The following GLT1D1 variants were observed in gnomAD, a reference collection of about 807,000 sequenced individuals.
GLT1D1 encodes glycosyltransferase 1 domain containing 1.
A neutral mutation model predicts 28.7 loss-of-function variants in GLT1D1; 21 were observed. The observed-to-expected ratio is 0.73, with a 90% confidence interval of 0.52 to 1.05. The LOEUF (loss-of-function observed/expected upper bound fraction) is 1.05. Ranked by LOEUF, GLT1D1 falls within the 50% of genes least tolerant of loss-of-function variation. The pLI is 0.00. For synonymous variants in GLT1D1, 147 were observed against 124.8 expected (o/e 1.18, Z -1.19); for missense variants, 343 against 330.6 (o/e 1.04, Z -0.29).
chr12:128,921,316 G>T (rs575014334), intron 4 of GLT1D1, among the ~76,000 whole-genome samples: 53 of 151,964 alleles, frequency 3.5e-4, no homozygotes, highest in African/African-American at 8.0e-4. Context: ...GAGGGGAGAG[G>T]AAAGGAATAT....
Position 128,903,690 on chromosome 12 carries a change from G to A in GLT1D1, c.375+4403G>A, listed in dbSNP as rs559207239. On this transcript the variant is annotated intron_variant, in intron 4 of 7. Coordinates refer to ENST00000281703, the MANE Select transcript of GLT1D1 (RefSeq NM_144669.3). ...GAATATCCTTTAAATTGATTGATTA[G>A]GAACGACTCCTCCTTTAGAACCTTT... Among the ~76,000 whole-genome samples, 172 of 151,456 alleles carry A rather than the reference G, an allele frequency of 1.1e-3. 3 individuals are homozygous for A. Among genetic ancestry groups the A allele is most frequent in the African/African-American group, 4.0e-3 (164 of 41,018 alleles).
At chr12:128,936,434 G>A (rs1368032744) in intron 4 of GLT1D1, among the ~76,000 whole-genome samples, 2 of 152,208 alleles carry the variant, frequency 1.3e-5, no homozygotes, top group Non-Finnish European at 2.9e-5. Flanking sequence ...GATGACAGGC[G>A]TGAGCCACCG....
chr12:128,954,134 T>G (rs2135508224), intron 6 of GLT1D1, among the ~76,000 whole-genome samples: 1 of 151,278 alleles, frequency 6.6e-6, no homozygotes, highest in Non-Finnish European at 1.5e-5. Context: ...TTTTTGTTTT[T>G]GTTTTTTGAG....
chr12:128,945,146 C>T (rs1018395711), intron 4 of GLT1D1, 180 bp from the exon 9 acceptor site: 1 of 739,030 alleles, frequency 1.4e-6, no homozygotes, highest in Non-Finnish European at 2.5e-6. Flanking sequence ...GACACAGTGC[C>T]CTTGCCCGAG....
intron 7 of GLT1D1, among the ~76,000 whole-genome samples, chr12:128,958,748 C>CAAAAAA (rs71072431): frequency 2.3e-5 from 1 of 42,654 alleles, no homozygotes; most frequent in African/African-American, 1.1e-4. Context: ...GACTCTGCCT[C>CAAAAAA]AAAAAAAAAA....
In GLT1D1 at chr12:128,931,080, C is replaced by A. The variant is rs190034395; in HGVS notation, c.376-14246C>A. On this transcript the variant is annotated intron_variant, in intron 4 of 7. Transcript: ENST00000281703. ...GCAATGGCGTGATCTTGGCTCACAG[C>A]AACCTCCGCCTCATGGGTTCAAGCA... 1.9e-3 allele frequency among the ~76,000 whole-genome samples: 281 copies of A among 151,716 alleles called. 3 individuals are homozygous for A. The highest frequency in any genetic ancestry group is 2.1e-3 in the Non-Finnish European group (146 of 67,950).
At chr12:128,950,977 C>T (rs1173098840) in intron 6 of GLT1D1, among the ~76,000 whole-genome samples, 1 of 152,190 alleles carries the variant, frequency 6.6e-6, no homozygotes, top group African/African-American at 2.4e-5. Context: ...ATGGCGACTA[C>T]AGTTAATAAC....
At chr12:128,960,995 G>C (rs472954) in intron 7 of GLT1D1, among the ~76,000 whole-genome samples, 107,815 of 152,126 alleles carry the variant, frequency 0.71, 38,482 homozygotes, top group Admixed American at 0.78. Flanking sequence ...AAGTTCAACA[G>C]GTTAGATTGT....
intron 6 of GLT1D1, among the ~76,000 whole-genome samples, chr12:128,955,632 T>C (rs142143805): frequency 6.6e-6 from 1 of 152,126 alleles, no homozygotes; most frequent in East Asian, 1.9e-4. Flanking sequence ...CACTGAACCC[T>C]CTGAAAGGTC....
intron 4 of GLT1D1, among the ~76,000 whole-genome samples, chr12:128,939,055 G>GTTGCACAAGACGAGATCA (rs1874849756): frequency 6.6e-6 from 1 of 152,092 alleles, no homozygotes; most frequent in African/African-American, 2.4e-5. Context: ...AGGCCAGGTT[G>GTTGCACAAGACGAGATCA]TTGCACAAGA....
intron 7 of GLT1D1, among the ~76,000 whole-genome samples, chr12:128,963,232 C>T (rs536101551): frequency 7.0e-4 from 107 of 152,312 alleles, no homozygotes; most frequent in African/African-American, 2.4e-3. Context: ...CAGTGTCCTC[C>T]TCGCTCCTGA....
chr12:128,882,866 G>A (rs1316168723), intron 2 of GLT1D1, among the ~76,000 whole-genome samples: 1 of 152,016 alleles, frequency 6.6e-6, no homozygotes, highest in African/African-American at 2.4e-5. Flanking sequence ...TGCTGGCCAA[G>A]AGTGTGTTAA....
chr12:128,860,465 A>G (rs1158636307), intron 1 of GLT1D1, among the ~76,000 whole-genome samples: 3 of 152,202 alleles, frequency 2.0e-5, no homozygotes, highest in Admixed American at 2.0e-4. Context: ...CGTCTCAACA[A>G]AAAGAAATTA....
At chr12:128,888,411 G>T (rs1161739856) in intron 2 of GLT1D1, among the ~76,000 whole-genome samples, 1 of 152,186 alleles carries the variant, frequency 6.6e-6, no homozygotes. Context: ...TTAATTGAAA[G>T]ATAGCCCTGA....
chr12:128,966,522 T>G (rs470390), intron 7 of GLT1D1, among the ~76,000 whole-genome samples: 1 of 151,964 alleles, frequency 6.6e-6, no homozygotes, highest in Non-Finnish European at 1.5e-5. Flanking sequence ...CTCCCCAACC[T>G]CCTCAGACTG....
chr12:128,893,332 T>C (rs1869279137), intron 3 of GLT1D1, among the ~76,000 whole-genome samples: 1 of 152,116 alleles, frequency 6.6e-6, no homozygotes, highest in Admixed American at 6.6e-5. Flanking sequence ...AAAAATAGCC[T>C]CATAAATAGG....
chr12:128,854,871 T>A (rs1956176186), intron 1 of GLT1D1, among the ~76,000 whole-genome samples: 1 of 152,090 alleles, frequency 6.6e-6, no homozygotes, highest in Admixed American at 6.5e-5. Context: ...CTCCTAAAGA[T>A]CATAAGCAGA....
intron 6 of GLT1D1, among the ~76,000 whole-genome samples, chr12:128,954,798 A>G (rs1013105846): frequency 1.3e-5 from 2 of 152,150 alleles, no homozygotes; most frequent in Admixed American, 6.5e-5. Context: ...AAACATTTTT[A>G]AAAACATTAG....
rs537533016 is a variant in GLT1D1, at chr12:128,926,341, T to C, written c.376-18985T>C. On this transcript the variant is annotated intron_variant, in intron 4 of 7. Coordinates refer to ENST00000281703, the MANE Select transcript of GLT1D1 (RefSeq NM_144669.3). ...AGAGCCCTCCCCACTGAAAACATTC[T>C]GAACTCTTCTCTTACAGAGATTAAC... 3.2e-5 allele frequency: 43 copies of C among 1,354,060 alleles called. No individual in the cohort carries two copies. The East Asian group carries it at 9.5e-4, about 30-fold the overall frequency. 83.9% of individuals were successfully genotyped at this position (1,354,060 alleles called of 1,614,324 possible). A position where few individuals can be genotyped will look rare whatever the true frequency, so the allele number is the denominator to read the frequency against.
Sources: gnomAD v4.1 joint callset for allele counts (sites outside exome capture counted in the v4.1 genomes callset) on GRCh38, gnomAD v4.1.1 for gene constraint, MANE v1.5 for transcripts, NCBI Gene and HGNC (gene_info 2026-07-23, HGNC 2026-07-21) for gene names.